KCNIP4: variants seen among roughly 807,000 people sequenced by gnomAD.
The protein encoded by KCNIP4 is potassium voltage-gated channel interacting protein 4.
Under a neutral mutation model 34.0 loss-of-function variants are expected in KCNIP4, and 12 were observed. The observed-to-expected ratio is 0.35, with a 90% CI of 0.23 to 0.57. The LOEUF (loss-of-function observed/expected upper bound fraction) is 0.57, where lower values mean the gene tolerates loss of function less well. Ranked by LOEUF, KCNIP4 falls within the 20% of genes least tolerant of loss-of-function variation. KCNIP4 has a pLI of 0.83. For missense variants in KCNIP4, 238 were observed against 311.7 expected (o/e 0.76, Z 1.78); for synonymous variants, 124 against 102.2 (o/e 1.21, Z -1.29).
At chr4:21,149,843 A>G (rs1207412207) in intron 1 of KCNIP4, among the ~76,000 whole-genome samples, 1 of 152,200 alleles carries the variant, frequency 6.6e-6, no homozygotes, top group Non-Finnish European at 1.5e-5. Flanking sequence ...ATAAAAAAGC[A>G]GGAATAAAAT....
chr4:21,096,729 G>T (rs1035875370), intron 1 of KCNIP4, among the ~76,000 whole-genome samples: 4 of 151,912 alleles, frequency 2.6e-5, no homozygotes, highest in Non-Finnish European at 5.9e-5. Context: ...CACTTCATAT[G>T]TTCTTGCCTC....
intron 1 of KCNIP4, among the ~76,000 whole-genome samples, chr4:21,342,808 A>G (rs1335210732): frequency 6.6e-6 from 1 of 152,022 alleles, no homozygotes; most frequent in African/African-American, 2.4e-5. Context: ...TCTCTGTGAA[A>G]TGTCCTTTTC....
chr4:21,410,624 T>C (rs779813821), intron 1 of KCNIP4, among the ~76,000 whole-genome samples: 6 of 152,246 alleles, frequency 3.9e-5, no homozygotes, highest in Non-Finnish European at 7.4e-5. Flanking sequence ...GGCAGAAGCT[T>C]GGACCAACAC....
chr4:21,171,680 C>A (rs1338675482), intron 1 of KCNIP4, among the ~76,000 whole-genome samples: 1 of 151,992 alleles, frequency 6.6e-6, no homozygotes, highest in Non-Finnish European at 1.5e-5. Context: ...GCTTGGTGAC[C>A]TTGGCCAAGT....
chr4:21,005,230 G>A (rs963584676), intron 1 of KCNIP4, among the ~76,000 whole-genome samples: 1 of 152,192 alleles, frequency 6.6e-6, no homozygotes, highest in African/African-American at 2.4e-5. Flanking sequence ...GAAAGGCCAC[G>A]AGTTTCCCCT....
chr4:21,903,665 A>G (rs981184819), intron 1 of KCNIP4, among the ~76,000 whole-genome samples: 1 of 152,156 alleles, frequency 6.6e-6, no homozygotes, highest in African/African-American at 2.4e-5. Flanking sequence ...GAAATCTTAC[A>G]AAATCAACAG....
chr4:21,899,724 CTTAA>C (rs1374541391), intron 1 of KCNIP4, among the ~76,000 whole-genome samples: 2 of 151,998 alleles, frequency 1.3e-5, no homozygotes, highest in Middle Eastern at 3.4e-3. Flanking sequence ...TAGATGCAAA[CTTAA>C]TTAAAGAAAG....
intron 1 of KCNIP4, among the ~76,000 whole-genome samples, chr4:21,611,410 G>A (rs1910526): frequency 0.18 from 27,327 of 151,926 alleles, 2,595 homozygotes; most frequent in South Asian, 0.26. Flanking sequence ...AACAGCATGG[G>A]GGAAGCCACC....
intron 1 of KCNIP4, among the ~76,000 whole-genome samples, chr4:21,433,520 T>C (rs1300724880): frequency 6.6e-6 from 1 of 152,212 alleles, no homozygotes; most frequent in African/African-American, 2.4e-5. Flanking sequence ...TAACCCGCAA[T>C]GTGAAGAAGA....
At chr4:21,011,662 ATACTTGC>A (rs1369608425) in intron 1 of KCNIP4, among the ~76,000 whole-genome samples, 1 of 152,228 alleles carries the variant, frequency 6.6e-6, no homozygotes, top group Non-Finnish European at 1.5e-5. Context: ...TGAAAAGCTT[ATACTTGC>A]TTTATCTCCA....
At chr4:21,234,261 C>CAT (rs1338069681) in intron 1 of KCNIP4, among the ~76,000 whole-genome samples, 1 of 110,680 alleles carries the variant, frequency 9.0e-6, no homozygotes, top group Non-Finnish European at 1.7e-5. Flanking sequence ...TTATATATAA[C>CAT]ATATATAACA....
intron 1 of KCNIP4, among the ~76,000 whole-genome samples, chr4:21,473,403 G>T (rs1242858453): frequency 6.6e-6 from 1 of 152,068 alleles, no homozygotes; most frequent in Non-Finnish European, 1.5e-5. Context: ...AACAGCATAG[G>T]CTTTGTCCTT....
At chr4:21,903,747 A>C (rs1252627518) in intron 1 of KCNIP4, among the ~76,000 whole-genome samples, 1 of 152,142 alleles carries the variant, frequency 6.6e-6, no homozygotes, top group Non-Finnish European at 1.5e-5. Context: ...TTGAATCATA[A>C]ATGGAAGAAC....
rs180824566 is a variant in KCNIP4 at position 21,717,863 on chromosome 4, T to C, written c.61+230708A>G. On this transcript the variant is annotated intron_variant, in intron 1 of 8. Coordinates refer to ENST00000382152, the MANE Select transcript of KCNIP4 (RefSeq NM_025221.6). ...ATTCCAAATCTGTGATCGTCACTTT[T>C]CTCTTTCATCTTTTAATGCATCACC... Among the ~76,000 whole-genome samples, 32 of 152,302 alleles carry C rather than the reference T, an allele frequency of 2.1e-4. No individual in the cohort carries two copies. In the East Asian group the frequency reaches 6.2e-3, roughly 29 times the overall value.
intron 1 of KCNIP4, among the ~76,000 whole-genome samples, chr4:21,837,591 A>T (rs1353655678): frequency 6.6e-6 from 1 of 151,468 alleles, no homozygotes; most frequent in Non-Finnish European, 1.5e-5. Flanking sequence ...AGAGGCAGAT[A>T]GATAGAAAAG....
At chr4:20,773,480 T>C (rs557792422) in intron 3 of KCNIP4, among the ~76,000 whole-genome samples, 2 of 152,264 alleles carry the variant, frequency 1.3e-5, no homozygotes, top group Admixed American at 6.5e-5. Flanking sequence ...CCCGGGCCTG[T>C]TGACTCTGAG....
chr4:21,538,070 A>C (rs1245019618), intron 1 of KCNIP4, among the ~76,000 whole-genome samples: 1 of 151,230 alleles, frequency 6.6e-6, no homozygotes, highest in East Asian at 1.9e-4. Flanking sequence ...GGAGATACAG[A>C]TAATGAAAAG....
At chr4:21,328,865 A>G (rs13110139) in intron 1 of KCNIP4, among the ~76,000 whole-genome samples, 20,577 of 152,272 alleles carry the variant, frequency 0.14, 1,574 homozygotes, top group African/African-American at 0.21. Context: ...GCCCCAGGCC[A>G]ATGGTGAGTA....
chr4:20,856,815 T>C (rs1721627489), intron 2 of KCNIP4, among the ~76,000 whole-genome samples: 1 of 152,192 alleles, frequency 6.6e-6, no homozygotes, highest in Non-Finnish European at 1.5e-5. Context: ...TTAAATTTTC[T>C]GAGCAGTCTT....
Sources: gnomAD v4.1 joint callset for allele counts (sites outside exome capture counted in the v4.1 genomes callset) on GRCh38, gnomAD v4.1.1 for gene constraint, MANE v1.5 for transcripts, NCBI Gene and HGNC (gene_info 2026-07-23, HGNC 2026-07-21) for gene names.